PLEKHA6: variants seen among roughly 807,000 people sequenced by gnomAD.
The protein encoded by PLEKHA6 is pleckstrin homology domain-containing family A member 6.
A neutral mutation model predicts 116.7 loss-of-function variants in PLEKHA6; 60 were observed. That is an observed-to-expected ratio of 0.51 (90% CI 0.42 to 0.64). The LOEUF (loss-of-function observed/expected upper bound fraction) is 0.64, where lower values mean the gene tolerates loss of function less well. PLEKHA6 is among the 30% of genes least tolerant of loss of function. PLEKHA6 has a pLI of 0.00. For missense variants in PLEKHA6, 1,338 were observed against 1,422.7 expected (o/e 0.94, Z 0.96); for synonymous variants, 489 against 556.1 (o/e 0.88, Z 1.70).
chr1:204,298,201 AT>A (rs1670473043), intron 1 of PLEKHA6, among the ~76,000 whole-genome samples: 1 of 152,250 alleles, frequency 6.6e-6, no homozygotes, highest in South Asian at 2.1e-4. Context: ...ATAGTTTCAT[AT>A]TCACTAATTC....
chr1:204,317,513 C>T (rs543775942), intron 1 of PLEKHA6, among the ~76,000 whole-genome samples: 1 of 152,308 alleles, frequency 6.6e-6, no homozygotes, highest in South Asian at 2.1e-4. Context: ...TCTCATCCAT[C>T]TCAGAGCCCC....
At position 204,250,624 on chromosome 1, in the gene PLEKHA6, C is replaced by T. The variant is rs760030322; in HGVS notation, c.1525-10G>A. 3 of 1,606,512 alleles carry T rather than the reference C, an allele frequency of 1.9e-6. No individual in the cohort carries two copies. Among genetic ancestry groups the T allele is most frequent in the Non-Finnish European group, 2.6e-6 (3 of 1,173,826 alleles). ...CTGGGTATGGAGGGACCTGCAGGAA[C>T]ATGAGGCCGGTTACTGCAGCAGGGG... On this transcript the variant is annotated splice_polypyrimidine_tract_variant and intron_variant, in intron 9 of 22. Coordinates refer to ENST00000272203, the MANE Select transcript of PLEKHA6 (RefSeq NM_014935.5).
rs182139188 is a variant in PLEKHA6, at chr1:204,245,499, G to A, written c.2032+116C>T. 21 of 664,646 alleles carry A rather than the reference G, an allele frequency of 3.2e-5. No homozygotes were observed. In the Admixed American group the frequency reaches 4.5e-4, roughly 14 times the overall value. 41.2% of individuals were successfully genotyped at this position (664,646 alleles called of 1,614,324 possible). A position where few individuals can be genotyped will look rare whatever the true frequency, so the allele number is the denominator to read the frequency against. On this transcript the variant is annotated intron_variant, in intron 14 of 22. Coordinates refer to ENST00000272203, the MANE Select transcript of PLEKHA6 (RefSeq NM_014935.5). ...GGGGAAGATTCTGGTGTCCCAAGAA[G>A]GCCCTGCCTGGCTCTGAACACAGTG... is the stretch of plus-strand genomic sequence containing the variant.
At chr1:204,340,908 C>G (rs1325185731) in intron 1 of PLEKHA6, among the ~76,000 whole-genome samples, 2 of 152,240 alleles carry the variant, frequency 1.3e-5, no homozygotes, top group East Asian at 3.9e-4. Context: ...AAGGAGCTAA[C>G]TTCAGAGAAG....
intron 9 of PLEKHA6, chr1:204,255,806 C>T (rs932785507): frequency 2.0e-5 from 13 of 649,082 alleles, no homozygotes; most frequent in Non-Finnish European, 3.3e-5. Flanking sequence ...AGGCTTCTCC[C>T]TCTGCCCTTG....
At chr1:204,320,178 G>T (rs1672007254) in intron 1 of PLEKHA6, among the ~76,000 whole-genome samples, 1 of 152,178 alleles carries the variant, frequency 6.6e-6, no homozygotes, top group South Asian at 2.1e-4. Context: ...GGAATGCTAT[G>T]CTCCACCACC....
At chr1:204,346,825 C>T (rs1673072817) in intron 1 of PLEKHA6, 9 of 1,314,366 alleles carry the variant, frequency 6.8e-6, no homozygotes, top group South Asian at 5.9e-5. Context: ...AGGCTCCTTC[C>T]CATTGGTTCT....
chr1:204,310,105 T>G (rs1671603588), intron 1 of PLEKHA6, among the ~76,000 whole-genome samples: 1 of 152,070 alleles, frequency 6.6e-6, no homozygotes, highest in African/African-American at 2.4e-5. Context: ...GGGCTGGATG[T>G]GGCCCATGGG....
rs1659604683 is a variant in PLEKHA6 at position 204,221,233 on chromosome 1, G to A, written c.*1555C>T. 6.6e-6 allele frequency: 1 copy of A among 152,660 alleles called. No individual in the cohort carries two copies. Among genetic ancestry groups the A allele is most frequent in the African/African-American group, 2.4e-5 (1 of 41,448 alleles). The allele number at this position is 152,660 out of a possible 1,614,324, so 9.5% of individuals were successfully genotyped here. A position where few individuals can be genotyped will look rare whatever the true frequency, so the allele number is the denominator to read the frequency against. ...TCGATAAATATTTGTTGAGTAAATT[G>A]TCATCTTTACTTGCATATGAACCAG... On this transcript the variant is annotated 3_prime_UTR_variant, in exon 23 of 23. Coordinates refer to ENST00000272203, the MANE Select transcript of PLEKHA6 (RefSeq NM_014935.5).
At chr1:204,237,849 C>G (rs1662280372) in intron 17 of PLEKHA6, among the ~76,000 whole-genome samples, 1 of 152,196 alleles carries the variant, frequency 6.6e-6, no homozygotes, top group African/African-American at 2.4e-5. Context: ...TGACCTTATG[C>G]TGATTGGATC....
chr1:204,346,750 T>C lies in PLEKHA6; in HGVS notation c.-95+12944A>G, dbSNP rs546704628. On this transcript the variant is annotated intron_variant, in intron 1 of 22. Transcript: ENST00000272203. Reference sequence around the variant, plus strand: ...AAAGAATTCAGCGATATTTCTCCCATTTGCTTTTTTTTTTTTTAACACCTA... The same window carrying C: ...AAAGAATTCAGCGATATTTCTCCCACTTGCTTTTTTTTTTTTTAACACCTA... 5.7e-4 allele frequency: 450 copies of C among 783,376 alleles called. 3 individuals carry two copies. The African/African-American group carries it at 7.3e-3, about 13-fold the overall frequency. The allele number at this position is 783,376 out of a possible 1,614,324, so 48.5% of individuals were successfully genotyped here. A position where few individuals can be genotyped will look rare whatever the true frequency, so the allele number is the denominator to read the frequency against.
intron 3 of PLEKHA6, among the ~76,000 whole-genome samples, chr1:204,272,008 C>T (rs2102886888): frequency 6.6e-6 from 1 of 152,222 alleles, no homozygotes; most frequent in Non-Finnish European, 1.5e-5. Context: ...ATTGACTTAT[C>T]ATTTACATTA....
At chr1:204,280,929 T>G in intron 1 of PLEKHA6, 1 of 763,578 alleles carries the variant, frequency 1.3e-6, no homozygotes. Flanking sequence ...AGAGGCCCTC[T>G]GTTTTCCTAC....
intron 1 of PLEKHA6, chr1:204,347,225 G>A (rs1012302845): frequency 3.5e-5 from 39 of 1,120,018 alleles, no homozygotes; most frequent in Middle Eastern, 2.2e-4. Context: ...AACATACATC[G>A]GGTGCCTCTC....
At position 204,315,541 on chromosome 1, in the gene PLEKHA6, G is replaced by C. The variant is rs556043756; in HGVS notation, c.-94-40732C>G. 2.6e-5 allele frequency among the ~76,000 whole-genome samples: 4 copies of C among 152,242 alleles called. No homozygotes were observed. In the East Asian group the frequency reaches 7.7e-4, roughly 29 times the overall value. On this transcript the variant is annotated intron_variant, in intron 1 of 22. Transcript: ENST00000272203. Reference sequence around the variant, plus strand: ...CAGGTGGACACCGTGTTAGGGCTGAGCTCAAATGCCACCTCTTCCAGAAAG... The same window carrying C: ...CAGGTGGACACCGTGTTAGGGCTGACCTCAAATGCCACCTCTTCCAGAAAG...
chr1:204,259,963 G>C lies in PLEKHA6; in HGVS notation c.525-223C>G, dbSNP rs1312048659. On this transcript the variant is annotated intron_variant, in intron 7 of 22. Transcript: ENST00000272203. The surrounding 1 kb of genome is among the most constrained non-coding windows in gnomAD (Gnocchi z 4.6). ...ACCTAATCCGCCCCTGCCCACACCT[G>C]CTGTGTTAACTCTGCCCCCCACGTC... 6.6e-6 allele frequency among the ~76,000 whole-genome samples: 1 copy of C among 152,110 alleles called. No individual in the cohort carries two copies. The highest frequency in any genetic ancestry group is 1.5e-5 in the Non-Finnish European group (1 of 68,036).
intron 15 of PLEKHA6, among the ~76,000 whole-genome samples, 165 bp downstream of exon 15, chr1:204,244,699 A>G (rs986634976): frequency 1.3e-5 from 2 of 152,228 alleles, no homozygotes; most frequent in African/African-American, 2.4e-5. Flanking sequence ...CCTGGAGAGA[A>G]GTTCACAAAA....
Position 204,223,566 on chromosome 1 carries a change from G to A in PLEKHA6, c.3051C>T (p.Ser1017=). The change falls in exon 22 of 23, where the codon AGC becomes AGT. Residue 1017 remains serine, a synonymous_variant. Coordinates refer to ENST00000272203, the MANE Select transcript of PLEKHA6 (RefSeq NM_014935.5). The surrounding 1 kb of genome is among the most constrained non-coding windows in gnomAD (Gnocchi z 4.8). ...RMLSVQCATP[S]PPTSPASPAP... ...CCGGGGAAGCAGGGGAGGTGGGAGGGCTTGGGGTGGCACATTGCACTGGAA... is the reference window on the plus strand; with the variant it reads ...CCGGGGAAGCAGGGGAGGTGGGAGGACTTGGGGTGGCACATTGCACTGGAA... 2 of 1,518,898 alleles carry A rather than the reference G, an allele frequency of 1.3e-6. No individual in the cohort carries two copies. Among genetic ancestry groups the A allele is most frequent in the Non-Finnish European group, 1.8e-6 (2 of 1,121,370 alleles). 94.1% of individuals were successfully genotyped at this position (1,518,898 alleles called of 1,614,324 possible).
At chr1:204,376,456 G>A (rs1326299224) in intron 1 of PLEKHA6, among the ~76,000 whole-genome samples, 2 of 152,178 alleles carry the variant, frequency 1.3e-5, no homozygotes, top group East Asian at 3.8e-4. Context: ...GAACTTTAAT[G>A]GAGTTAATTT....
Sources: gnomAD v4.1 joint callset for allele counts (sites outside exome capture counted in the v4.1 genomes callset) on GRCh38, gnomAD v4.1.1 for gene constraint, Gnocchi (gnomAD v3.1) non-coding constraint, MANE v1.5 for transcripts, NCBI Gene and HGNC (gene_info 2026-07-23, HGNC 2026-07-21) for gene names.